RAB19: variants seen among roughly 807,000 people sequenced by gnomAD.
The protein encoded by RAB19 is ras-related protein Rab-19.
RAB19 carries 21 observed loss-of-function variants against 17.3 expected under a neutral mutation model. That is an observed-to-expected ratio of 1.21 (90% confidence interval 0.86 to 1.74). The LOEUF is 1.74. Among genes scored for constraint, RAB19 ranks in the 40% most tolerant of loss-of-function variants. The pLI, the probability that RAB19 is intolerant of heterozygous loss-of-function variation, is 0.00. For synonymous variants in RAB19, 126 were observed against 110.4 expected (o/e 1.14, Z -0.88); for missense variants, 277 against 286.8 (o/e 0.97, Z 0.25).
At chr7:140,415,086 T>C (rs576669771) in intron 3 of RAB19, among the ~76,000 whole-genome samples, 2 of 151,764 alleles carry the variant, frequency 1.3e-5, no homozygotes, top group Admixed American at 6.6e-5. Context: ...CTTTTCTTTT[T>C]TTTTTTGAGA....
chr7:140,427,141 C>CTT lies in RAB19; in HGVS notation c.*1011_*1012dup, dbSNP rs34940659. ...ACAGGCATGAGCCACCATGCCTGTT[C>CTT]TTTTTTTTTTTTTTTTTTTTTGAGA... On this transcript the variant is annotated 3_prime_UTR_variant, in exon 4 of 4. Transcript: ENST00000537763. Among the ~76,000 whole-genome samples, 118 of 94,406 alleles carry CTT rather than the reference C, an allele frequency of 1.2e-3. 1 individual carries two copies. The highest frequency in any genetic ancestry group is 9.5e-3 in the South Asian group (23 of 2,426). The allele number at this position is 94,406 out of a possible 152,430, so 61.9% of individuals were successfully genotyped here.
Position 140,405,566 on chromosome 7 carries a change from A to C in RAB19, c.-24+1349A>C, listed in dbSNP as rs1467256249. ...AGAGATGGGCGGGGAGGGGGGGCGC[A>C]GGGCTCTCATTATATTGCCTAGACT... On this transcript the variant is annotated intron_variant, in intron 1 of 3. Transcript: ENST00000537763. Among the ~76,000 whole-genome samples, 5 of 151,730 alleles carry C rather than the reference A, an allele frequency of 3.3e-5. No homozygotes were observed. The East Asian group carries it at 9.7e-4, about 30-fold the overall frequency.
intron 3 of RAB19, among the ~76,000 whole-genome samples, chr7:140,412,400 C>T (rs1344477531): frequency 5.3e-5 from 8 of 151,924 alleles, no homozygotes; most frequent in African/African-American, 1.7e-4. Context: ...TGCAGTGAGC[C>T]GAGATTGTGC....
chr7:140,417,235 CAAA>C (rs36052693), intron 3 of RAB19, among the ~76,000 whole-genome samples: 2 of 116,656 alleles, frequency 1.7e-5, no homozygotes, highest in African/African-American at 3.3e-5. Context: ...GACTCTGTCT[CAAA>C]AAAAAAAAAA....
intron 3 of RAB19, among the ~76,000 whole-genome samples, chr7:140,421,056 C>T (rs149887875): frequency 0.011 from 1,683 of 152,004 alleles, 27 homozygotes; most frequent in African/African-American, 0.039. Context: ...CCACACCCAG[C>T]TAATTTTCGT....
In RAB19 at chr7:140,427,702, G is replaced by C. The variant is rs1333905189; in HGVS notation, c.*1552G>C. On this transcript the variant is annotated 3_prime_UTR_variant, in exon 4 of 4. Transcript: ENST00000537763. The stretch of plus-strand genomic sequence containing the variant: ...CCTGACCTCATGATCCACCTGTCTC[G>C]TGGCCTCCCAAAGTGCTGGGATTAC... 6.6e-6 allele frequency among the ~76,000 whole-genome samples: 1 copy of C among 150,970 alleles called. No homozygotes were observed. The highest frequency in any genetic ancestry group is 1.5e-5 in the Non-Finnish European group (1 of 67,740).
At chr7:140,407,891 T>A in intron 2 of RAB19, 44 bp downstream of exon 2, 1 of 1,124,314 alleles carries the variant, frequency 8.9e-7, no homozygotes. Flanking sequence ...TTTTTTTTTT[T>A]TTTTTTTTTT....
intron 2 of RAB19, among the ~76,000 whole-genome samples, chr7:140,410,294 A>G (rs1191051525): frequency 1.4e-5 from 2 of 143,044 alleles, no homozygotes; most frequent in African/African-American, 5.2e-5. Flanking sequence ...CACCATGCCC[A>G]GCTAATTTTT....
At position 140,407,697 on chromosome 7, in the gene RAB19, G is replaced by A. The variant is rs555692963; in HGVS notation, c.51G>A (p.Leu17=). The change falls in exon 2 of 4, where the codon TTG becomes TTA. Residue 17 remains leucine, a synonymous_variant. Transcript: ENST00000537763. Reference sequence around the variant, plus strand: ...CAGCAGATGAGAACTTTGACTATTTGTTCAAGATTATCCTCATTGGGGATT... The same window carrying A: ...CAGCAGATGAGAACTTTGACTATTTATTCAAGATTATCCTCATTGGGGATT... ...ARAADENFDY[L]FKIILIGDSN... 10 of 1,614,068 alleles carry A rather than the reference G, an allele frequency of 6.2e-6. No homozygotes were observed. The East Asian group carries it at 6.7e-5, about 11-fold the overall frequency.
chr7:140,409,059 C>G (rs879653676), intron 2 of RAB19, among the ~76,000 whole-genome samples: 3 of 152,174 alleles, frequency 2.0e-5, no homozygotes, highest in Non-Finnish European at 4.4e-5. Flanking sequence ...CAAACCTGGC[C>G]TTAAAAGGTC....
At chr7:140,408,227 T>C (rs1585413954) in intron 2 of RAB19, among the ~76,000 whole-genome samples, 2 of 151,834 alleles carry the variant, frequency 1.3e-5, no homozygotes, top group South Asian at 4.2e-4. Flanking sequence ...ACAAAGCACA[T>C]GTCTGAGCAA....
chr7:140,423,672 C>T (rs556899399), intron 3 of RAB19, among the ~76,000 whole-genome samples: 16 of 152,020 alleles, frequency 1.1e-4, no homozygotes, highest in Admixed American at 6.6e-4. Context: ...GGCGGAGGAC[C>T]GGGGGTGGTG....
chr7:140,407,879 CCTTTTTTTTTTT>C, intron 2 of RAB19, 32 bp downstream of exon 2: 2 of 848,196 alleles, frequency 2.4e-6, no homozygotes, highest in Non-Finnish European at 3.5e-6. Context: ...ACTGGTTCCA[CCTTTTTTTTTTT>C]TTTTTTTTTT....
In RAB19 at chr7:140,410,899, G is replaced by C; in HGVS notation, c.202-975G>C. On this transcript the variant is annotated intron_variant, in intron 2 of 3. Transcript: ENST00000537763. ...GCTGTGTGAATTGGTGCTGCCGCTT[G>C]GGTGGCTAATTTGGGAGGTATTATT... The C allele has an allele frequency of 2.9e-6, 4 of 1,362,948 alleles. No individual in the cohort carries two copies. In the East Asian group the frequency reaches 1.8e-4, roughly 62 times the overall value. 84.4% of individuals were successfully genotyped at this position (1,362,948 alleles called of 1,614,324 possible). A position where few individuals can be genotyped will look rare whatever the true frequency, so the allele number is the denominator to read the frequency against.
At chr7:140,417,111 C>G (rs1025792934) in intron 3 of RAB19, among the ~76,000 whole-genome samples, 1 of 151,470 alleles carries the variant, frequency 6.6e-6, no homozygotes, top group African/African-American at 2.4e-5. Context: ...TGGTGAGTGC[C>G]TATAGTCCCA....
At chr7:140,407,879 C>CTTT in intron 2 of RAB19, 32 bp downstream of exon 2, 1 of 848,186 alleles carries the variant, frequency 1.2e-6, no homozygotes, top group Admixed American at 2.8e-5. Context: ...ACTGGTTCCA[C>CTTT]CTTTTTTTTT....
At chr7:140,409,573 T>G (rs1251506585) in intron 2 of RAB19, among the ~76,000 whole-genome samples, 3 of 152,108 alleles carry the variant, frequency 2.0e-5, no homozygotes, top group Non-Finnish European at 4.4e-5. Context: ...GGCACATGCC[T>G]GTAATCCCAG....
In RAB19 at chr7:140,427,882, G is replaced by T. The variant is rs1799696920; in HGVS notation, c.*1732G>T. ...TGGGATTACAGGCATGAGCCACCATGCCTGGCACAATTTCTTTCTAGAACC... is the reference window on the plus strand; with the variant it reads ...TGGGATTACAGGCATGAGCCACCATTCCTGGCACAATTTCTTTCTAGAACC... On this transcript the variant is annotated 3_prime_UTR_variant, in exon 4 of 4. Transcript: ENST00000537763. Among the ~76,000 whole-genome samples the T allele has an allele frequency of 6.6e-6, 1 of 151,876 alleles. No individual in the cohort carries two copies.
In RAB19 at chr7:140,427,690, T is replaced by C. The variant is rs751820691; in HGVS notation, c.*1540T>C. Among the ~76,000 whole-genome samples the C allele has an allele frequency of 6.6e-6, 1 of 151,782 alleles. No homozygotes were observed. Among genetic ancestry groups the C allele is most frequent in the African/African-American group, 2.4e-5 (1 of 41,330 alleles). ...TGGTCTCGAACTCCTGACCTCATGA[T>C]CCACCTGTCTCGTGGCCTCCCAAAG... On this transcript the variant is annotated 3_prime_UTR_variant, in exon 4 of 4. Transcript: ENST00000537763.
Sources: gnomAD v4.1 joint callset for allele counts (sites outside exome capture counted in the v4.1 genomes callset) on GRCh38, gnomAD v4.1.1 for gene constraint, MANE v1.5 for transcripts, NCBI Gene and HGNC (gene_info 2026-07-23, HGNC 2026-07-21) for gene names.